KIF24: variants seen among roughly 807,000 people sequenced by gnomAD.
KIF24 encodes kinesin-like protein KIF24.
In KIF24, 81 loss-of-function variants were observed where a neutral mutation model predicts 118.9. The ratio of observed to expected loss-of-function variants is 0.68; its 90% CI spans 0.57 to 0.82. The LOEUF (loss-of-function observed/expected upper bound fraction) is 0.82, where lower values mean the gene tolerates loss of function less well. Among genes scored for constraint, KIF24 ranks in the 40% least tolerant of loss-of-function variants. The pLI is 0.00. For missense variants in KIF24, 1,560 were observed against 1,661.6 expected, an observed-to-expected ratio of 0.94 and a Z score of 1.06; for synonymous variants, 599 against 610.0, an observed-to-expected ratio of 0.98 and a Z score of 0.27.
At chr9:34,279,366 A>G (rs1045595978) in intron 6 of KIF24, among the ~76,000 whole-genome samples, 1 of 152,222 alleles carries the variant, frequency 6.6e-6, no homozygotes, top group Non-Finnish European at 1.5e-5. Context: ...ACATGAAACA[A>G]GTTTATCAAA....
intron 2 of KIF24, among the ~76,000 whole-genome samples, chr9:34,308,915 T>C (rs1837033374): frequency 6.6e-6 from 1 of 151,952 alleles, no homozygotes. Context: ...TCCCCAACTC[T>C]ACAAAAAATT....
chr9:34,303,277 T>C (rs1007969728), intron 3 of KIF24, among the ~76,000 whole-genome samples: 6 of 152,146 alleles, frequency 3.9e-5, no homozygotes, highest in Admixed American at 3.3e-4. Context: ...TAGAGTCTTG[T>C]TAAAACTTTA....
intron 2 of KIF24, among the ~76,000 whole-genome samples, chr9:34,308,773 TG>T (rs1466307749): frequency 1.3e-5 from 2 of 152,154 alleles, no homozygotes; most frequent in Non-Finnish European, 2.9e-5. Context: ...AAGACATGCA[TG>T]TTTTTTTAAA....
At chr9:34,325,248 G>C (rs1001693046) in intron 1 of KIF24, among the ~76,000 whole-genome samples, 1 of 151,224 alleles carries the variant, frequency 6.6e-6, no homozygotes, top group Non-Finnish European at 1.5e-5. Context: ...GGGAGGCTGA[G>C]ATGGGAGGAT....
chr9:34,278,572 CAA>C (rs57086054), intron 6 of KIF24, among the ~76,000 whole-genome samples: 37 of 87,888 alleles, frequency 4.2e-4, no homozygotes, highest in Admixed American at 1.0e-3. Flanking sequence ...TAGAGCAAAC[CAA>C]AAAAAAAAAA....
intron 1 of KIF24, among the ~76,000 whole-genome samples, chr9:34,321,233 T>C (rs991000990): frequency 2.6e-5 from 4 of 152,132 alleles, no homozygotes; most frequent in Non-Finnish European, 5.9e-5. Flanking sequence ...AAGATTTTTA[T>C]TTCAAATATC....
Position 34,311,069 on chromosome 9 carries a change from C to T in KIF24, c.278G>A (p.Gly93Asp). 1 of 1,613,828 alleles carries T rather than the reference C, an allele frequency of 6.2e-7. No homozygotes were observed. Among genetic ancestry groups the T allele is most frequent in the Non-Finnish European group, 8.5e-7 (1 of 1,179,790 alleles). ...LRIKSQELRS[G>D]PRRQLNFDSP... Reference sequence around the variant, plus strand: ...ATCAAAATTCAGCTGTCTGCGAGGGCCAGATCTTAATTCCTGAGATTTGAT... The same window carrying T: ...ATCAAAATTCAGCTGTCTGCGAGGGTCAGATCTTAATTCCTGAGATTTGAT... The change falls in exon 2 of 13, where the codon GGC (glycine) becomes GAC (aspartate). Residue 93 changes from glycine to aspartate, a missense_variant. Around this residue, in one of 3 missense-constraint regions of KIF24, gnomAD observed 964 missense variants for 988.0 expected, o/e 0.98. Transcript: ENST00000402558.
At chr9:34,319,725 T>A in intron 1 of KIF24, 2 of 666,930 alleles carry the variant, frequency 3.0e-6, no homozygotes, top group Non-Finnish European at 5.5e-6. Flanking sequence ...GCTACTGGGA[T>A]TCGGGGGAGG....
At position 34,253,562 on chromosome 9, in the gene KIF24, TCCA is replaced by T. The variant is rs1156700399; in HGVS notation, c.*815_*817del. The T allele has an allele frequency of 2.0e-5, 3 of 152,338 alleles. No individual in the cohort carries two copies. The highest frequency in any genetic ancestry group is 4.4e-5 in the Non-Finnish European group (3 of 68,202). 9.4% of individuals were successfully genotyped at this position (152,338 alleles called of 1,614,324 possible). Reference sequence around the variant, plus strand: ...AAGGCCAGGCTAGGAGATGGACTATTCCATGAGGGGGCTGGGTAGTGAGGTGTC... The same window carrying T: ...AAGGCCAGGCTAGGAGATGGACTATTTGAGGGGGCTGGGTAGTGAGGTGTC... On this transcript the variant is annotated 3_prime_UTR_variant, in exon 13 of 13. Transcript: ENST00000402558.
chr9:34,261,230 T>TTCTCC (rs531089235), intron 9 of KIF24, among the ~76,000 whole-genome samples: 65 of 152,294 alleles, frequency 4.3e-4, no homozygotes, highest in Non-Finnish European at 7.6e-4. Context: ...CAAAAAAATC[T>TTCTCC]TCTCCTAGAC....
intron 6 of KIF24, among the ~76,000 whole-genome samples, chr9:34,284,614 A>C (rs1835967622): frequency 6.6e-6 from 1 of 152,206 alleles, no homozygotes; most frequent in Non-Finnish European, 1.5e-5. Context: ...AGTTCTACTC[A>C]AGCAAAGTTC....
At chr9:34,279,035 T>C (rs538617971) in intron 6 of KIF24, among the ~76,000 whole-genome samples, 2 of 152,190 alleles carry the variant, frequency 1.3e-5, no homozygotes, top group East Asian at 1.9e-4. Context: ...GCCCAGAAGG[T>C]TGAGGTTGCA....
intron 7 of KIF24, among the ~76,000 whole-genome samples, chr9:34,270,799 C>CTGTT (rs1835475456): frequency 6.7e-6 from 1 of 149,614 alleles, no homozygotes; most frequent in Non-Finnish European, 1.5e-5. Context: ...GACGGAGTCT[C>CTGTT]GCTCTGTTGC....
rs1176092375 is a variant in KIF24, at chr9:34,256,109, G to A, written c.3498C>T (p.His1166=). ...SRETVLFSHE[H]MGSEQYDADA... ...CAGCATCATACTGCTCACTACCCAT[G>A]TGTTCGTGGGAGAAAAGTACAGTCT... The change falls in exon 11 of 13, where the codon CAC becomes CAT. Residue 1166 remains histidine, a synonymous_variant. Coordinates refer to ENST00000402558, the MANE Select transcript of KIF24 (RefSeq NM_194313.4). 1.2e-6 allele frequency: 2 copies of A among 1,611,164 alleles called. No individual in the cohort carries two copies. The highest frequency in any genetic ancestry group is 1.1e-5 in the South Asian group (1 of 91,030).
At chr9:34,258,041 A>G (rs1288025324) in intron 10 of KIF24, 60 bp from the exon 11 acceptor site, 4 of 1,303,450 alleles carry the variant, frequency 3.1e-6, no homozygotes, top group East Asian at 2.3e-5. Context: ...TTCCTTTTCT[A>G]TAGCTTTCTG....
intron 8 of KIF24, among the ~76,000 whole-genome samples, chr9:34,263,414 C>G (rs10814085): frequency 0.7 from 106,525 of 151,982 alleles, 39,367 homozygotes; most frequent in East Asian, 0.95. Context: ...CCTAGGACTG[C>G]CCCTGAGTTG....
At chr9:34,329,873 A>G (rs561363922), upstream of KIF24, among the ~76,000 whole-genome samples, 51 of 152,304 alleles carry the variant, frequency 3.3e-4, no homozygotes, top group Non-Finnish European at 6.0e-4. Context: ...TCCAAATCCC[A>G]GAGGCGGGAG....
rs772678896 is a variant in KIF24, at chr9:34,263,099, A to T, written c.1515+2T>A. 7 of 1,608,822 alleles carry T rather than the reference A, an allele frequency of 4.4e-6. No individual in the cohort carries two copies. Among genetic ancestry groups the T allele is most frequent in the Non-Finnish European group, 6.0e-6 (7 of 1,175,722 alleles). The stretch of plus-strand genomic sequence containing the variant: ...AAACTCAAGGCTCACATTTAACTTT[A>T]CCTGAGTTAGTTTGCTTTGCCTGAA... On this transcript the variant is annotated splice_donor_variant, in intron 9 of 12. Transcript: ENST00000402558. LOFTEE classifies it high-confidence loss of function.
chr9:34,286,717 G>T lies in KIF24; in HGVS notation c.1128-13C>A. On this transcript the variant is annotated splice_polypyrimidine_tract_variant and intron_variant, in intron 5 of 12. Transcript: ENST00000402558. The stretch of plus-strand genomic sequence containing the variant: ...TCTTGCAAAGAGCCTGCAGATGCAA[G>T]AAAGTGGTTGGTATGATGGTGCTAC... 1 of 1,591,126 alleles carries T rather than the reference G, an allele frequency of 6.3e-7. No individual in the cohort carries two copies. Among genetic ancestry groups the T allele is most frequent in the South Asian group, 1.1e-5 (1 of 90,584 alleles).
Sources: gnomAD v4.1 joint callset for allele counts (sites outside exome capture counted in the v4.1 genomes callset) on GRCh38, gnomAD v4.1.1 for gene constraint, gnomAD v4.1.1 regional missense constraint, MANE v1.5 for transcripts, NCBI Gene and HGNC (gene_info 2026-07-23, HGNC 2026-07-21) for gene names.